DENND4A: variants seen among roughly 807,000 people sequenced by gnomAD.
The protein encoded by DENND4A is C-myc promoter-binding protein.
A neutral mutation model predicts 199.3 loss-of-function variants in DENND4A; 70 were observed. The ratio of observed to expected loss-of-function variants is 0.35; its 90% confidence interval spans 0.29 to 0.43. The LOEUF (loss-of-function observed/expected upper bound fraction) is 0.43. Among genes scored for constraint, DENND4A ranks in the 20% least tolerant of loss-of-function variants. The pLI is 1.00. For synonymous variants in DENND4A, 686 were observed against 766.9 expected, an observed-to-expected ratio of 0.89 and a Z score of 1.74; for missense variants, 1,723 against 2,255.8, an observed-to-expected ratio of 0.76 and a Z score of 4.78.
chr15:65,703,464 C>T (rs1427432928), intron 15 of DENND4A, among the ~76,000 whole-genome samples: 1 of 152,208 alleles, frequency 6.6e-6, no homozygotes, highest in African/African-American at 2.4e-5. Context: ...ATGCAAATAA[C>T]AACCTTAGGT....
chr15:65,750,683 C>T (rs972469994), intron 4 of DENND4A, among the ~76,000 whole-genome samples: 35 of 151,958 alleles, frequency 2.3e-4, no homozygotes, highest in African/African-American at 8.2e-4. Context: ...CATAGATCTA[C>T]AATTTGTATA....
intron 12 of DENND4A, among the ~76,000 whole-genome samples, chr15:65,720,812 G>A (rs2075598107): frequency 1.3e-5 from 2 of 151,288 alleles, no homozygotes; most frequent in African/African-American, 4.9e-5. Flanking sequence ...TAGCTGTAAC[G>A]TAAAAGAATG....
intron 1 of DENND4A, among the ~76,000 whole-genome samples, chr15:65,772,892 C>A (rs965129492): frequency 4.7e-5 from 7 of 149,714 alleles, no homozygotes; most frequent in African/African-American, 1.7e-4. Context: ...ACGAAGTCAG[C>A]AGTCTGCCAC....
chr15:65,752,775 T>A, intron 3 of DENND4A, 147 bp from the exon 4 acceptor site: 1 of 570,342 alleles, frequency 1.8e-6, no homozygotes, highest in South Asian at 2.9e-5. Flanking sequence ...CGGTCTTGTA[T>A]GAATTAAAGA....
chr15:65,764,778 G>C (rs2076937184), intron 1 of DENND4A, among the ~76,000 whole-genome samples: 1 of 152,068 alleles, frequency 6.6e-6, no homozygotes, highest in Non-Finnish European at 1.5e-5. Context: ...TTTGAGACTA[G>C]CCTGGGCAAC....
chr15:65,734,568 T>C (rs28574874), intron 7 of DENND4A, among the ~76,000 whole-genome samples: 49,960 of 151,902 alleles, frequency 0.33, 9,424 homozygotes, highest in East Asian at 0.78. Flanking sequence ...CCAAGTCTCT[T>C]GTTCCACCTA....
intron 23 of DENND4A, among the ~76,000 whole-genome samples, chr15:65,681,612 T>C (rs2076579021): frequency 6.6e-6 from 1 of 151,150 alleles, no homozygotes; most frequent in Non-Finnish European, 1.5e-5. Flanking sequence ...GGTATAATTC[T>C]GTCAGCCAGG....
rs760376153 is a variant in DENND4A, at chr15:65,737,901, C to G, written c.846G>C (p.Glu282Asp). The G allele has an allele frequency of 1.2e-6, 2 of 1,601,822 alleles. No homozygotes were observed. The part of the protein sequence containing the change: ...AIQFYEPYSE[E>D]NLTEKQRLLL... ...GAAGTCTCTGCTTTTCTGTGAGATT[C>G]TCCTCAGAGTATGGTTCATAAAACT... The change falls in exon 7 of 33, where the codon GAG becomes GAC. Residue 282 changes from glutamate to aspartate, a missense_variant. This residue lies in a region of DENND4A where 725 missense variants were observed against 952.9 expected (regional missense o/e 0.76). Coordinates refer to ENST00000443035, the MANE Select transcript of DENND4A (RefSeq NM_001320835.1).
At chr15:65,718,247 G>A (rs778922971) in intron 12 of DENND4A, among the ~76,000 whole-genome samples, 8 of 152,000 alleles carry the variant, frequency 5.3e-5, no homozygotes, top group Non-Finnish European at 1.0e-4. Context: ...AGCTCAGGTC[G>A]GTCATGGTAG....
chr15:65,792,042 G>C lies in DENND4A; in HGVS notation c.-134C>G, dbSNP rs1242139451. On this transcript the variant is annotated 5_prime_UTR_variant, in exon 1 of 33. Coordinates refer to ENST00000443035, the MANE Select transcript of DENND4A (RefSeq NM_001320835.1). ...CTGGCTCCCGTGCGAGCAGCGGATC[G>C]AGCTCGGAGAGCGGCGCCGGAATCC... The C allele has an allele frequency of 1.3e-5, 2 of 152,320 alleles. No homozygotes were observed. The allele number at this position is 152,320 out of a possible 1,614,324, so 9.4% of individuals were successfully genotyped here. A position where few individuals can be genotyped will look rare whatever the true frequency, so the allele number is the denominator to read the frequency against.
rs1182942461 is a variant in DENND4A, at chr15:65,731,799, A to C, written c.1108-99T>G. The C allele has an allele frequency of 4.9e-6, 4 of 812,248 alleles. No individual in the cohort carries two copies. The Admixed American group carries it at 8.3e-5, about 17-fold the overall frequency. 50.3% of individuals were successfully genotyped at this position (812,248 alleles called of 1,614,324 possible). ...TATAAAATAATGATTATGCCCATGAAGTTTCAGTATATCCATTTACCAGTA... is the reference window on the plus strand; with the variant it reads ...TATAAAATAATGATTATGCCCATGACGTTTCAGTATATCCATTTACCAGTA... On this transcript the variant is annotated intron_variant, in intron 8 of 32. Transcript: ENST00000443035.
At chr15:65,762,893 A>G (rs566313364) in intron 1 of DENND4A, among the ~76,000 whole-genome samples, 1 of 152,306 alleles carries the variant, frequency 6.6e-6, no homozygotes, top group South Asian at 2.1e-4. Context: ...ACCAAGGGGC[A>G]AATGTACTTA....
chr15:65,689,306 G>A (rs578124303), intron 23 of DENND4A, among the ~76,000 whole-genome samples: 4 of 152,186 alleles, frequency 2.6e-5, no homozygotes, highest in South Asian at 2.1e-4. Context: ...TGGATCACTT[G>A]AGGGTCTCTT....
chr15:65,738,650 G>T, intron 6 of DENND4A, 56 bp downstream of exon 6: 1 of 1,488,460 alleles, frequency 6.7e-7, no homozygotes, highest in South Asian at 1.3e-5. Flanking sequence ...TTGCATTATA[G>T]AAAACTTGAA....
intron 22 of DENND4A, among the ~76,000 whole-genome samples, chr15:65,695,902 T>C (rs1288482971): frequency 6.6e-6 from 1 of 152,026 alleles, no homozygotes; most frequent in African/African-American, 2.4e-5. Flanking sequence ...CATTTCTATG[T>C]TAATATTATA....
intron 7 of DENND4A, among the ~76,000 whole-genome samples, chr15:65,733,597 C>T (rs993942218): frequency 1.1e-4 from 16 of 152,154 alleles, no homozygotes; most frequent in African/African-American, 3.9e-4. Context: ...AACACACCAA[C>T]AGACATGACA....
chr15:65,763,180 A>C (rs777089990), intron 1 of DENND4A, among the ~76,000 whole-genome samples: 37 of 152,290 alleles, frequency 2.4e-4, no homozygotes, highest in South Asian at 1.9e-3. Context: ...GTTCAGTAAG[A>C]GTCAATAGCT....
intron 1 of DENND4A, among the ~76,000 whole-genome samples, chr15:65,788,023 C>A (rs1173833168): frequency 6.6e-6 from 1 of 151,924 alleles, no homozygotes; most frequent in East Asian, 1.9e-4. Context: ...TGTTTAATGA[C>A]ACAAAAATCC....
At chr15:65,752,318 TA>T in intron 4 of DENND4A, 60 bp downstream of exon 4, 1 of 609,698 alleles carries the variant, frequency 1.6e-6, no homozygotes. Context: ...AAAAAAGATG[TA>T]TTTAAAATTA....
Sources: gnomAD v4.1 joint callset for allele counts (sites outside exome capture counted in the v4.1 genomes callset) on GRCh38, gnomAD v4.1.1 for gene constraint, gnomAD v4.1.1 regional missense constraint, MANE v1.5 for transcripts, NCBI Gene and HGNC (gene_info 2026-07-23, HGNC 2026-07-21) for gene names.